The following ADAMTSL3 variants were observed in gnomAD, a reference collection of about 807,000 sequenced individuals.
ADAMTSL3 encodes the protein ADAMTS like 3.
A neutral mutation model predicts 201.7 loss-of-function variants in ADAMTSL3; 128 were observed. The ratio of observed to expected loss-of-function variants is 0.63; its 90% CI spans 0.55 to 0.73. The LOEUF is 0.73. Among genes scored for constraint, ADAMTSL3 ranks in the 30% least tolerant of loss-of-function variants. The pLI, the probability that ADAMTSL3 is intolerant of heterozygous loss-of-function variation, is 0.00. For synonymous variants in ADAMTSL3, 738 were observed against 748.4 expected, an observed-to-expected ratio of 0.99 and a Z score of 0.23; for missense variants, 1,990 against 2,119.6, an observed-to-expected ratio of 0.94 and a Z score of 1.20.
intron 20 of ADAMTSL3, among the ~76,000 whole-genome samples, chr15:83,980,287 C>T (rs556119026): frequency 2.0e-5 from 3 of 152,322 alleles, no homozygotes; most frequent in South Asian, 2.1e-4. Context: ...GTTAACACTT[C>T]GTACCATAGT....
chr15:83,903,958 A>AGGGAGGGAGGG (rs1448100528), intron 15 of ADAMTSL3, among the ~76,000 whole-genome samples: 1 of 77,528 alleles, frequency 1.3e-5, no homozygotes, highest in Non-Finnish European at 2.4e-5. Flanking sequence ...AAAAGAAAGA[A>AGGGAGGGAGGG]AGAAAGAAAG....
In ADAMTSL3 at chr15:83,870,855, C is replaced by T. The variant is rs530916794; in HGVS notation, c.856C>T (p.Pro286Ser). The part of the protein sequence containing the change: ...GSKGEHSFNS[P>S]GVFLVENTTV... The stretch of plus-strand genomic sequence containing the variant: ...CAAAGGAGAACACAGCTTTAACAGC[C>T]CCGGCGTCTTTCTCGTAGAAAACAC... The change falls in exon 9 of 30, where the codon CCC (proline) becomes TCC (serine). Residue 286 changes from proline to serine, a missense_variant. Transcript: ENST00000286744. 2 of 1,612,878 alleles carry T rather than the reference C, an allele frequency of 1.2e-6. No individual in the cohort carries two copies. The highest frequency in any genetic ancestry group is 2.7e-5 in the African/African-American group (2 of 74,918).
chr15:83,862,718 G>A (rs1391224711), intron 8 of ADAMTSL3: 1 of 152,074 alleles, frequency 6.6e-6, no homozygotes, highest in African/African-American at 2.4e-5. Flanking sequence ...CAACTAATGG[G>A]CAAAATAACC....
At chr15:83,956,157 T>G (rs2066858334) in intron 19 of ADAMTSL3, among the ~76,000 whole-genome samples, 2 of 152,294 alleles carry the variant, frequency 1.3e-5, no homozygotes, top group Non-Finnish European at 2.9e-5. Context: ...GGGTATCAGC[T>G]GAGTTCAACA....
At chr15:83,801,074 A>G (rs557990806) in intron 4 of ADAMTSL3, among the ~76,000 whole-genome samples, 29 of 152,150 alleles carry the variant, frequency 1.9e-4, no homozygotes, top group Non-Finnish European at 3.2e-4. Flanking sequence ...TGCTGCTTGA[A>G]TGTTTAAAAT....
intron 3 of ADAMTSL3, among the ~76,000 whole-genome samples, chr15:83,710,009 C>A (rs1017046157): frequency 3.9e-5 from 6 of 152,074 alleles, no homozygotes; most frequent in South Asian, 4.1e-4. Flanking sequence ...ATAATGCTGA[C>A]CTTGCCACTT....
chr15:83,906,266 T>C (rs1250589651), intron 15 of ADAMTSL3, among the ~76,000 whole-genome samples: 1 of 152,056 alleles, frequency 6.6e-6, no homozygotes, highest in African/African-American at 2.4e-5. Flanking sequence ...GTTTCCAACT[T>C]CCCCCCCAAA....
At chr15:83,775,244 T>C (rs987683001) in intron 4 of ADAMTSL3, among the ~76,000 whole-genome samples, 1 of 152,100 alleles carries the variant, frequency 6.6e-6, no homozygotes, top group Non-Finnish European at 1.5e-5. Context: ...AGGGAGAACT[T>C]TGACATCTCT....
intron 6 of ADAMTSL3, among the ~76,000 whole-genome samples, chr15:83,823,513 C>T (rs1019546506): frequency 8.5e-5 from 13 of 152,244 alleles, no homozygotes; most frequent in Non-Finnish European, 1.3e-4. Flanking sequence ...TTCTTTCAAC[C>T]CACACATTTG....
intron 4 of ADAMTSL3, among the ~76,000 whole-genome samples, chr15:83,780,418 A>C (rs1283576199): frequency 1.3e-5 from 2 of 150,974 alleles, no homozygotes; most frequent in Non-Finnish European, 3.0e-5. Context: ...TAAAAAAAAA[A>C]AAAAACAAAC....
chr15:83,903,917 C>CAAAAAAAAAAAAAAAAA (rs1168502648), intron 15 of ADAMTSL3, among the ~76,000 whole-genome samples: 1 of 19,272 alleles, frequency 5.2e-5, no homozygotes, highest in Non-Finnish European at 7.3e-5. Context: ...GACTCCACAT[C>CAAAAAAAAAAAAAAAAA]AAAAAAAAAA....
chr15:83,980,246 C>T (rs949128755), intron 20 of ADAMTSL3, among the ~76,000 whole-genome samples: 4 of 152,174 alleles, frequency 2.6e-5, no homozygotes, highest in African/African-American at 7.2e-5. Context: ...CCAGTAACCG[C>T]CTGACTTGTC....
At chr15:84,024,359 T>G (rs1204287122) in intron 26 of ADAMTSL3, among the ~76,000 whole-genome samples, 3 of 152,228 alleles carry the variant, frequency 2.0e-5, no homozygotes, top group African/African-American at 7.2e-5. Context: ...TGGTGATGAA[T>G]ATAAATGATA....
chr15:83,925,533 G>A (rs1048285094), intron 17 of ADAMTSL3, among the ~76,000 whole-genome samples: 2 of 152,132 alleles, frequency 1.3e-5, no homozygotes, highest in African/African-American at 4.8e-5. Context: ...AGTAATCCAC[G>A]CTAGAATGCA....
At chr15:83,769,096 C>CTT (rs987095417) in intron 3 of ADAMTSL3, among the ~76,000 whole-genome samples, 4 of 143,340 alleles carry the variant, frequency 2.8e-5, no homozygotes, top group South Asian at 4.4e-4. Flanking sequence ...AATCAAGATT[C>CTT]TTTTTTTTTT....
chr15:83,989,324 G>T (rs1471573475), intron 22 of ADAMTSL3, among the ~76,000 whole-genome samples: 1 of 152,196 alleles, frequency 6.6e-6, no homozygotes, highest in South Asian at 2.1e-4. Flanking sequence ...TGGAGTCTGA[G>T]AATCAGCATT....
chr15:84,037,467 C>A (rs549974801), intron 29 of ADAMTSL3, among the ~76,000 whole-genome samples: 1 of 152,310 alleles, frequency 6.6e-6, no homozygotes, highest in African/African-American at 2.4e-5. Context: ...CTCAAAGGAG[C>A]AGCATGGGCC....
chr15:83,979,651 A>G (rs890199598), intron 20 of ADAMTSL3, among the ~76,000 whole-genome samples: 3 of 152,238 alleles, frequency 2.0e-5, no homozygotes, highest in African/African-American at 7.2e-5. Context: ...AATTCATTAG[A>G]TAGGAAATGA....
chr15:84,031,206 C>T, intron 27 of ADAMTSL3, 129 bp from the exon 28 acceptor site: 1 of 859,232 alleles, frequency 1.2e-6, no homozygotes, highest in Non-Finnish European at 1.9e-6. Flanking sequence ...TTTAACTCCC[C>T]CCTGGGGACA....
Sources: gnomAD v4.1 joint callset for allele counts (sites outside exome capture counted in the v4.1 genomes callset) on GRCh38, gnomAD v4.1.1 for gene constraint, MANE v1.5 for transcripts, NCBI Gene and HGNC (gene_info 2026-07-23, HGNC 2026-07-21) for gene names.